NAT10: variants seen among roughly 807,000 people sequenced by gnomAD.
The protein encoded by NAT10 is RNA cytidine acetyltransferase.
NAT10 carries 109 observed loss-of-function variants against 132.2 expected under a neutral mutation model. The ratio of observed to expected loss-of-function variants is 0.82; its 90% CI spans 0.71 to 0.97. The LOEUF (loss-of-function observed/expected upper bound fraction) is 0.97, where lower values mean the gene tolerates loss of function less well. NAT10 is among the 50% of genes least tolerant of loss of function. NAT10 has a pLI of 0.00. For missense variants in NAT10, 1,184 were observed against 1,263.4 expected, an observed-to-expected ratio of 0.94 and a Z score of 0.95; for synonymous variants, 479 against 478.0, an observed-to-expected ratio of 1.00 and a Z score of -0.03.
intron 3 of NAT10, among the ~76,000 whole-genome samples, chr11:34,109,669 C>T (rs1016822438): frequency 6.6e-6 from 1 of 152,190 alleles, no homozygotes; most frequent in African/African-American, 2.4e-5. Context: ...AACACAAATA[C>T]AATTTGGCAC....
At chr11:34,115,542 A>G (rs1455522729) in intron 5 of NAT10, among the ~76,000 whole-genome samples, 1 of 152,264 alleles carries the variant, frequency 6.6e-6, no homozygotes, top group Non-Finnish European at 1.5e-5. Flanking sequence ...TAGTGTATGC[A>G]CAGCATATCT....
intron 28 of NAT10, among the ~76,000 whole-genome samples, chr11:34,145,040 G>A (rs989187744): frequency 2.0e-5 from 3 of 152,222 alleles, no homozygotes. Context: ...CACTGTCAGT[G>A]TGACCTGTCT....
intron 11 of NAT10, 56 bp downstream of exon 11, chr11:34,124,456 T>A (rs1358464614): frequency 7.7e-7 from 1 of 1,295,394 alleles, no homozygotes; most frequent in Non-Finnish European, 1.1e-6. Context: ...TGTATTTAAC[T>A]GGCTCTAAGA....
chr11:34,118,320 T>A (rs1282629663), intron 7 of NAT10, 26 bp downstream of exon 7: 10 of 1,612,044 alleles, frequency 6.2e-6, no homozygotes, highest in South Asian at 4.4e-5. Flanking sequence ...GGTCCAGGAA[T>A]CTGGGGGAGG....
chr11:34,110,068 G>A (rs1193147403), intron 3 of NAT10, among the ~76,000 whole-genome samples: 2 of 152,056 alleles, frequency 1.3e-5, no homozygotes, highest in Non-Finnish European at 2.9e-5. Context: ...CTGTTCCTTG[G>A]CAGATAACCA....
At chr11:34,107,824 G>A (rs1165220236) in intron 1 of NAT10, among the ~76,000 whole-genome samples, 1 of 152,202 alleles carries the variant, frequency 6.6e-6, no homozygotes, top group African/African-American at 2.4e-5. Context: ...GCAGTGAGCC[G>A]AGATCATGCC....
At chr11:34,134,206 C>T (rs1336229542) in intron 16 of NAT10, 113 bp from the exon 17 acceptor site, 5 of 879,624 alleles carry the variant, frequency 5.7e-6, no homozygotes, top group African/African-American at 4.9e-5. Flanking sequence ...AGGGTTAAAC[C>T]TGAACATGGG....
chr11:34,108,706 T>C, intron 2 of NAT10, 36 bp from the exon 3 acceptor site: 2 of 1,584,114 alleles, frequency 1.3e-6, no homozygotes, highest in Non-Finnish European at 1.7e-6. Context: ...AAAGTCTCTT[T>C]TGTGCCTGAA....
In NAT10 at chr11:34,108,843, G is replaced by A. The variant is rs1433245877; in HGVS notation, c.200+10G>A. On this transcript the variant is annotated intron_variant, in intron 3 of 28. Coordinates refer to ENST00000257829, the MANE Select transcript of NAT10 (RefSeq NM_024662.3). ...AGCTGGGGTTTAGCAGGTAAGCTGG[G>A]CTCTTCATGTGTTTTATCCAACTTA... 2 of 1,606,302 alleles carry A rather than the reference G, an allele frequency of 1.2e-6. No individual in the cohort carries two copies. The highest frequency in any genetic ancestry group is 1.7e-4 in the Middle Eastern group (1 of 6,042).
chr11:34,129,693 C>A (rs1464885790), intron 12 of NAT10, among the ~76,000 whole-genome samples: 1 of 139,622 alleles, frequency 7.2e-6, no homozygotes, highest in African/African-American at 2.6e-5. Context: ...CTGCAACCTT[C>A]ACCTCCCAGG....
chr11:34,128,362 C>CAAAAAAAAAAA (rs914837839), intron 12 of NAT10, among the ~76,000 whole-genome samples: 4 of 67,214 alleles, frequency 6.0e-5, no homozygotes, highest in Non-Finnish European at 1.0e-4. Flanking sequence ...AAAAACAAAA[C>CAAAAAAAAAAA]AAAAAAAAAA....
intron 2 of NAT10, 120 bp downstream of exon 2, chr11:34,108,453 C>A: frequency 2.5e-6 from 2 of 795,790 alleles, no homozygotes; most frequent in Non-Finnish European, 4.1e-6. Context: ...GGTAAGATGC[C>A]TAGTGGGAAC....
Position 34,122,514 on chromosome 11 carries a change from C to G in NAT10, c.836C>G (p.Thr279Ser). The change falls in exon 9 of 29, where the codon ACT becomes AGT. Residue 279 changes from threonine (T) to serine (S), a missense_variant. Transcript: ENST00000257829. ...EGISEKTLRS[T>S]VALTAARGRG... ...ATCTCTGAAAAGACCCTGAGGAGTA[C>G]TGTTGCACTCACAGCTGCTCGAGGA... 1 of 1,614,196 alleles carries G rather than the reference C, an allele frequency of 6.2e-7. No homozygotes were observed. The highest frequency in any genetic ancestry group is 1.1e-5 in the South Asian group (1 of 91,084).
In NAT10 at chr11:34,105,809, G is replaced by T. The variant is rs1433192912; in HGVS notation, c.-16+17G>T. ...GGGGCGCAGGTACCCAACGCGGGAG[G>T]GCCGGGTATGGATGCCAAGATCGGT... On this transcript the variant is annotated intron_variant, in intron 1 of 28. Coordinates refer to ENST00000257829, the MANE Select transcript of NAT10 (RefSeq NM_024662.3). 6.6e-6 allele frequency: 1 copy of T among 152,410 alleles called. No individual in the cohort carries two copies. Among genetic ancestry groups the T allele is most frequent in the Non-Finnish European group, 1.5e-5 (1 of 68,152 alleles). The allele number at this position is 152,410 out of a possible 1,614,324, so 9.4% of individuals were successfully genotyped here. A position where few individuals can be genotyped will look rare whatever the true frequency, so the allele number is the denominator to read the frequency against.
At chr11:34,130,504 T>A (rs1353594950) in intron 12 of NAT10, among the ~76,000 whole-genome samples, 1 of 152,198 alleles carries the variant, frequency 6.6e-6, no homozygotes, top group African/African-American at 2.4e-5. Flanking sequence ...CACATCACAG[T>A]CCTGTGAGGT....
rs1222104520 is a variant in NAT10 at position 34,122,456 on chromosome 11, C to G, written c.781-3C>G. 2.5e-6 allele frequency: 4 copies of G among 1,613,990 alleles called. No homozygotes were observed. Among genetic ancestry groups the G allele is most frequent in the African/African-American group, 2.7e-5 (2 of 74,912 alleles). On this transcript the variant is annotated splice_polypyrimidine_tract_variant and splice_region_variant and intron_variant, in intron 8 of 28. Transcript: ENST00000257829. Reference sequence around the variant, plus strand: ...TTCACCTAATATGTTTCTGTTTCCACAGGCCAAAGCTGTCTTGAAATTTAT... The same window carrying G: ...TTCACCTAATATGTTTCTGTTTCCAGAGGCCAAAGCTGTCTTGAAATTTAT...
At chr11:34,121,405 A>G (rs1378575098) in intron 8 of NAT10, among the ~76,000 whole-genome samples, 1 of 152,168 alleles carries the variant, frequency 6.6e-6, no homozygotes, top group Non-Finnish European at 1.5e-5. Flanking sequence ...GAATCAAGTT[A>G]TCAGGGAAGA....
rs1209488138 is a variant in NAT10 at position 34,146,095 on chromosome 11, G to T, written c.2981G>T (p.Arg994Met). The T allele has an allele frequency of 6.2e-7, 1 of 1,603,394 alleles. No homozygotes were observed. The highest frequency in any genetic ancestry group is 8.5e-7 in the Non-Finnish European group (1 of 1,176,058). ...TGATTTTTCTCTAGTGACAAGAAAA[G>T]GAAGTTAGAGGCCAAACAAGAACCC... ...SIISLKSDKK[R>M]KLEAKQEPKQ... Residue 994 changes from arginine (R) to methionine (M), a missense_variant, in exon 29 of 29, where the codon AGG becomes ATG. Arg to Met is a moderately conservative substitution (Grantham distance 91, BLOSUM62 -1). Transcript: ENST00000257829.
chr11:34,137,442 T>C (rs553642412), intron 21 of NAT10, among the ~76,000 whole-genome samples: 61 of 152,214 alleles, frequency 4.0e-4, no homozygotes, highest in African/African-American at 1.3e-3. Context: ...TTGATGTTAA[T>C]ATGAGATGCC....
Sources: gnomAD v4.1 joint callset for allele counts (sites outside exome capture counted in the v4.1 genomes callset) on GRCh38, gnomAD v4.1.1 for gene constraint, MANE v1.5 for transcripts, NCBI Gene and HGNC (gene_info 2026-07-23, HGNC 2026-07-21) for gene names.